The following GFRA2 variants were observed in gnomAD, a reference collection of about 807,000 sequenced individuals.
GFRA2 encodes GDNF family receptor alpha 2.
In GFRA2, 17 loss-of-function variants were observed where a neutral mutation model predicts 48.3. That is an observed-to-expected ratio of 0.35 (90% CI 0.24 to 0.53). The LOEUF (loss-of-function observed/expected upper bound fraction) is 0.53, where lower values mean the gene tolerates loss of function less well. Among genes scored for constraint, GFRA2 ranks in the 20% least tolerant of loss-of-function variants. The probability of loss-of-function intolerance (pLI) is 0.93; values close to 1 mark genes in which losing one functional copy is unlikely to be tolerated. For synonymous variants in GFRA2, 305 were observed against 257.2 expected (o/e 1.19, Z -1.78); for missense variants, 660 against 637.3 (o/e 1.04, Z -0.38).
At chr8:21,774,120 A>C (rs948904309) in intron 3 of GFRA2, among the ~76,000 whole-genome samples, 2 of 152,010 alleles carry the variant, frequency 1.3e-5, no homozygotes, top group Non-Finnish European at 2.9e-5. Context: ...CTGGAGCATC[A>C]ATCTCCAGCA....
chr8:21,702,223 G>C (rs758744269), intron 7 of GFRA2, among the ~76,000 whole-genome samples: 1 of 152,208 alleles, frequency 6.6e-6, no homozygotes, highest in Non-Finnish European at 1.5e-5. Context: ...TAAGTGGAGG[G>C]AGCAGGACAT....
At chr8:21,699,682 C>A (rs544274247) in intron 7 of GFRA2, among the ~76,000 whole-genome samples, 1 of 152,222 alleles carries the variant, frequency 6.6e-6, no homozygotes, top group African/African-American at 2.4e-5. Flanking sequence ...AACAGAAAAG[C>A]ATTTTCACCT....
At chr8:21,706,418 G>A (rs1198760431) in intron 4 of GFRA2, 1 of 466,554 alleles carries the variant, frequency 2.1e-6, no homozygotes, top group Admixed American at 2.3e-5. Context: ...CTGAGAGGCT[G>A]CAGCCCTGGA....
intron 3 of GFRA2, among the ~76,000 whole-genome samples, chr8:21,755,916 T>A (rs1805545332): frequency 6.6e-6 from 1 of 152,240 alleles, no homozygotes. Flanking sequence ...GATCCCAGGA[T>A]GCCTGTCAAC....
intron 7 of GFRA2, among the ~76,000 whole-genome samples, chr8:21,695,477 G>A (rs571978410): frequency 6.6e-6 from 1 of 152,278 alleles, no homozygotes; most frequent in East Asian, 1.9e-4. Context: ...AGGGCATCTG[G>A]TCAGCTAAAC....
chr8:21,725,809 C>A (rs901618011), intron 4 of GFRA2, among the ~76,000 whole-genome samples: 1 of 152,214 alleles, frequency 6.6e-6, no homozygotes, highest in Non-Finnish European at 1.5e-5. Context: ...CCGGTCCTCT[C>A]AGAGGCATGC....
intron 4 of GFRA2, among the ~76,000 whole-genome samples, chr8:21,747,936 G>A (rs1478127262): frequency 6.6e-6 from 1 of 151,892 alleles, no homozygotes; most frequent in Non-Finnish European, 1.5e-5. Context: ...TTCCCTTCCA[G>A]TCTCACATCC....
At chr8:21,807,980 C>A (rs1432353999) in intron 1 of GFRA2, among the ~76,000 whole-genome samples, 1 of 152,176 alleles carries the variant, frequency 6.6e-6, no homozygotes, top group African/African-American at 2.4e-5. Context: ...TTAATGTAAT[C>A]ATCTCTTTAA....
chr8:21,710,472 G>A (rs1267147649), intron 4 of GFRA2, among the ~76,000 whole-genome samples: 11 of 152,174 alleles, frequency 7.2e-5, no homozygotes, highest in Admixed American at 7.2e-4. Context: ...AAGGAGACGG[G>A]GCTCCCTCTC....
At position 21,788,565 on chromosome 8, in the gene GFRA2, G is replaced by T. The variant is rs1469775878; in HGVS notation, c.-406C>A. 2.0e-6 allele frequency: 2 copies of T among 1,006,896 alleles called. No individual in the cohort carries two copies. The highest frequency in any genetic ancestry group is 2.4e-6 in the Non-Finnish European group (2 of 844,802). 62.4% of individuals were successfully genotyped at this position (1,006,896 alleles called of 1,614,324 possible). ...GTGGGGAGAGAGGCGATTTGCGAGT[G>T]AAGGGCTGGAAGGAAGCGGCGAGGG... is the stretch of plus-strand genomic sequence containing the variant. On this transcript the variant is annotated 5_prime_UTR_variant, in exon 1 of 9. Transcript: ENST00000524240.
At chr8:21,792,205 C>A (rs369664525), upstream of GFRA2, among the ~76,000 whole-genome samples, 1 of 152,222 alleles carries the variant, frequency 6.6e-6, no homozygotes, top group African/African-American at 2.4e-5. Flanking sequence ...GAGGGGAGGG[C>A]GTTGCAGCCC....
At position 21,750,088 on chromosome 8, in the gene GFRA2, TAC is replaced by T. The variant is rs531507245; in HGVS notation, c.794+498_794+499del. On this transcript the variant is annotated intron_variant, in intron 4 of 8. Transcript: ENST00000524240. This position sits in a 1 kb window ranked among gnomAD's most constrained non-coding sequence, Gnocchi z 5.7. Reference sequence around the variant, plus strand: ...GTGTATATATGTGTGTGTGTGTGTATACACACACACACACACACACACGCACA... The same window carrying T: ...GTGTATATATGTGTGTGTGTGTGTATACACACACACACACACACACGCACA... Among the ~76,000 whole-genome samples, 785 of 147,202 alleles carry T rather than the reference TAC, an allele frequency of 5.3e-3. 6 individuals are homozygous for T. The highest frequency in any genetic ancestry group is 0.016 in the African/African-American group (628 of 40,258).
intron 3 of GFRA2, among the ~76,000 whole-genome samples, chr8:21,760,294 G>C (rs779277770): frequency 4.6e-5 from 7 of 152,202 alleles, no homozygotes; most frequent in Non-Finnish European, 1.0e-4. Context: ...TATATCTGAG[G>C]GTTTGAAGCA....
chr8:21,769,633 C>T (rs1202201604), intron 3 of GFRA2, among the ~76,000 whole-genome samples: 8 of 151,888 alleles, frequency 5.3e-5, no homozygotes, highest in Admixed American at 3.9e-4. Context: ...CCAGGATCCT[C>T]GGGGGCCATG....
chr8:21,713,055 G>T (rs1803148204), intron 4 of GFRA2, among the ~76,000 whole-genome samples: 1 of 132,572 alleles, frequency 7.5e-6, no homozygotes, highest in African/African-American at 3.6e-5. Context: ...GGGAGAGGGA[G>T]ACGAGGGAAA....
At chr8:21,725,797 C>T (rs552070581) in intron 4 of GFRA2, among the ~76,000 whole-genome samples, 6 of 152,280 alleles carry the variant, frequency 3.9e-5, no homozygotes, top group African/African-American at 9.6e-5. Context: ...GCCCAAGGCC[C>T]GCCGGTCCTC....
At chr8:21,773,248 A>C (rs1324685854) in intron 3 of GFRA2, among the ~76,000 whole-genome samples, 5 of 152,198 alleles carry the variant, frequency 3.3e-5, no homozygotes, top group African/African-American at 1.2e-4. Flanking sequence ...CCAGCATGGG[A>C]GCTGCTCTGA....
chr8:21,721,616 G>A (rs1449687208), intron 4 of GFRA2, among the ~76,000 whole-genome samples: 1 of 152,174 alleles, frequency 6.6e-6, no homozygotes, highest in Non-Finnish European at 1.5e-5. Flanking sequence ...ACCACCCTAT[G>A]CAAAACTAGC....
chr8:21,789,578 G>C (rs1302103755), upstream of GFRA2, among the ~76,000 whole-genome samples: 4 of 152,166 alleles, frequency 2.6e-5, no homozygotes, highest in African/African-American at 9.7e-5. Context: ...GATGGTGCCA[G>C]GGAAAGGAAT....
Sources: allele counts gnomAD v4.1 joint callset (sites outside exome capture counted in the v4.1 genomes callset), GRCh38; gene constraint gnomAD v4.1.1; non-coding constraint Gnocchi (gnomAD v3.1); transcripts MANE v1.5; gene names NCBI Gene and HGNC (gene_info 2026-07-23, HGNC 2026-07-21).